Variants in SLC38A10 observed in about 807,000 individuals in gnomAD.
SLC38A10 encodes solute carrier family 38 member 10, also known as Sodium-coupled neutral amino acid transporter 10.
In SLC38A10, 53 loss-of-function variants were observed where a neutral mutation model predicts 81.0. The observed-to-expected ratio is 0.65, with a 90% CI of 0.53 to 0.82. SLC38A10 has a LOEUF of 0.82. Ranked by LOEUF, SLC38A10 falls within the 40% of genes least tolerant of loss-of-function variation. The probability of loss-of-function intolerance (pLI) is 0.00; values close to 1 mark genes in which losing one functional copy is unlikely to be tolerated. For synonymous variants in SLC38A10, 665 were observed against 655.3 expected (o/e 1.01, Z -0.23); for missense variants, 1,471 against 1,545.0 (o/e 0.95, Z 0.80).
chr17:81,279,095 CCT>C (rs1313160676), intron 6 of SLC38A10, among the ~76,000 whole-genome samples: 1 of 152,222 alleles, frequency 6.6e-6, no homozygotes, highest in Non-Finnish European at 1.5e-5. Flanking sequence ...AGCCTCAGGG[CCT>C]ACCAGAGTCA....
chr17:81,250,334 A>T (rs2146883219), intron 14 of SLC38A10, among the ~76,000 whole-genome samples: 1 of 152,374 alleles, frequency 6.6e-6, no homozygotes, highest in South Asian at 2.1e-4. Context: ...TCCGCGCTGC[A>T]GGTGCAAGGA....
intron 11 of SLC38A10, among the ~76,000 whole-genome samples, chr17:81,259,659 C>T (rs1222353628): frequency 6.6e-6 from 1 of 152,138 alleles, no homozygotes; most frequent in African/African-American, 2.4e-5. Flanking sequence ...CGGGCTGTGC[C>T]ACAGACGGAG....
intron 15 of SLC38A10, 98 bp downstream of exon 15, chr17:81,246,787 C>T: frequency 6.7e-7 from 1 of 1,495,974 alleles, no homozygotes; most frequent in Non-Finnish European, 8.9e-7. Flanking sequence ...GACTCACGCT[C>T]AGGTCTAGAG....
chr17:81,291,132 G>A (rs886593967), intron 1 of SLC38A10, among the ~76,000 whole-genome samples: 2 of 152,120 alleles, frequency 1.3e-5, no homozygotes, highest in African/African-American at 4.8e-5. Flanking sequence ...ACGGTGAGGG[G>A]GGCGGGGGCG....
chr17:81,262,283 G>C (rs779124877), intron 10 of SLC38A10, among the ~76,000 whole-genome samples: 1 of 152,110 alleles, frequency 6.6e-6, no homozygotes, highest in South Asian at 2.1e-4. Context: ...CCCTCCCATC[G>C]AGGCCTCTGC....
intron 11 of SLC38A10, among the ~76,000 whole-genome samples, chr17:81,255,633 G>A (rs1163774751): frequency 6.6e-6 from 1 of 152,192 alleles, no homozygotes; most frequent in African/African-American, 2.4e-5. Context: ...ATGGCTCCAC[G>A]CACGCCCCCA....
rs901362898 is a variant in SLC38A10 at position 81,283,176 on chromosome 17, C to T, written c.357+233G>A. Among the ~76,000 whole-genome samples, 4 of 152,276 alleles carry T rather than the reference C, an allele frequency of 2.6e-5. No homozygotes were observed. The highest frequency in any genetic ancestry group is 1.9e-4 in the East Asian group (1 of 5,162). On this transcript the variant is annotated intron_variant, in intron 4 of 15. Transcript: ENST00000374759. The surrounding 1 kb of genome is among the most constrained non-coding windows in gnomAD (Gnocchi z 4.7). The stretch of plus-strand genomic sequence containing the variant: ...TGCCCGGGTCTGAGGCTCCCCCACC[C>T]GCCCCTCATCTACATGGTGTCAGAC...
At position 81,260,772 on chromosome 17, in the gene SLC38A10, C is replaced by T. The variant is rs530527181; in HGVS notation, c.1132-378G>A. The stretch of plus-strand genomic sequence containing the variant: ...ATTCAGGACGGAGCGGGAGGGACAG[C>T]GGCTTCCAGAAGCTGAAGGTACGTG... On this transcript the variant is annotated intron_variant, in intron 10 of 15. Transcript: ENST00000374759. Among the ~76,000 whole-genome samples, 5 of 152,326 alleles carry T rather than the reference C, an allele frequency of 3.3e-5. No individual in the cohort carries two copies. The South Asian group carries it at 8.3e-4, about 25-fold the overall frequency.
chr17:81,267,142 AG>A (rs1327400028), intron 10 of SLC38A10, among the ~76,000 whole-genome samples: 1 of 152,244 alleles, frequency 6.6e-6, no homozygotes, highest in Non-Finnish European at 1.5e-5. Context: ...GTCCCAAGTT[AG>A]GCCCGAATAC....
At position 81,277,281 on chromosome 17, in the gene SLC38A10, A is replaced by C. The variant is rs1199189995; in HGVS notation, c.627-148T>G. The C allele has an allele frequency of 1.4e-6, 1 of 713,400 alleles. No homozygotes were observed. The highest frequency in any genetic ancestry group is 1.8e-5 in the African/African-American group (1 of 56,886). 44.2% of individuals were successfully genotyped at this position (713,400 alleles called of 1,614,324 possible). ...CTGCACACTGGAAGTCCCAGCGCTG[A>C]GGCCAGGACTTGGTGTTGCTGAGGA... On this transcript the variant is annotated intron_variant, in intron 6 of 15. Coordinates refer to ENST00000374759, the MANE Select transcript of SLC38A10 (RefSeq NM_001037984.3). This position sits in a 1 kb window ranked among gnomAD's most constrained non-coding sequence, Gnocchi z 4.5.
chr17:81,256,281 C>T (rs901951458), intron 11 of SLC38A10, among the ~76,000 whole-genome samples: 4 of 152,190 alleles, frequency 2.6e-5, no homozygotes, highest in Non-Finnish European at 4.4e-5. Context: ...CAGACATGCT[C>T]GGGGACTTGG....
chr17:81,271,928 C>T (rs1651705050), intron 9 of SLC38A10, among the ~76,000 whole-genome samples: 3 of 151,934 alleles, frequency 2.0e-5, no homozygotes, highest in East Asian at 1.9e-4. Flanking sequence ...GGGGTTTCAC[C>T]GTGTTAGCCA....
intron 10 of SLC38A10, among the ~76,000 whole-genome samples, chr17:81,267,833 C>CAG (rs1281276075): frequency 6.6e-6 from 1 of 151,938 alleles, no homozygotes; most frequent in Admixed American, 6.6e-5. Context: ...CCCTTAGTCA[C>CAG]AGAGAGGTCA....
chr17:81,247,081 A>G lies in SLC38A10; in HGVS notation c.2066-20T>C, dbSNP rs757885310. ...CAGCTTCTGGGTTTGGAAAGCACACAGTCAGAGTGCCCGGGCTGCTCATGC... is the reference window on the plus strand; with the variant it reads ...CAGCTTCTGGGTTTGGAAAGCACACGGTCAGAGTGCCCGGGCTGCTCATGC... On this transcript the variant is annotated intron_variant, in intron 14 of 15. Transcript: ENST00000374759. The G allele has an allele frequency of 2.6e-5, 40 of 1,565,686 alleles. No homozygotes were observed. Among genetic ancestry groups the G allele is most frequent in the Non-Finnish European group, 3.1e-5 (36 of 1,157,948 alleles).
chr17:81,269,905 A>G (rs1241185431), intron 10 of SLC38A10, among the ~76,000 whole-genome samples: 1 of 152,170 alleles, frequency 6.6e-6, no homozygotes, highest in African/African-American at 2.4e-5. Flanking sequence ...CGGAGGTTGC[A>G]GTAAGCCGAG....
intron 10 of SLC38A10, among the ~76,000 whole-genome samples, chr17:81,261,756 G>A (rs1307240804): frequency 2.0e-5 from 3 of 152,342 alleles, no homozygotes; most frequent in Middle Eastern, 3.4e-3. Context: ...GAGCCCGGCC[G>A]CAATGTGCCT....
chr17:81,288,881 G>C lies in SLC38A10; in HGVS notation c.217+810C>G, dbSNP rs2063288756. 1 of 152,324 alleles carries C rather than the reference G, an allele frequency of 6.6e-6. No homozygotes were observed. Among genetic ancestry groups the C allele is most frequent in the Admixed American group, 6.5e-5 (1 of 15,286 alleles). 9.4% of individuals were successfully genotyped at this position (152,324 alleles called of 1,614,324 possible). ...TCCAGGAGAGACACAGAGAGAGCAG[G>C]TCTGCACCAGCACGGTGAGGACGGC... On this transcript the variant is annotated intron_variant, in intron 2 of 15. Transcript: ENST00000374759. This position sits in a 1 kb window ranked among gnomAD's most constrained non-coding sequence, Gnocchi z 5.4.
chr17:81,278,006 A>C (rs1397356352), intron 6 of SLC38A10, among the ~76,000 whole-genome samples: 2 of 149,400 alleles, frequency 1.3e-5, no homozygotes, highest in African/African-American at 4.9e-5. Context: ...GCAGGGGCTC[A>C]AGGGCACAAA....
rs773365742 is a variant in SLC38A10, at chr17:81,283,422, A to C, written c.344T>G (p.Leu115Arg). The change falls in exon 4 of 16, where the codon CTG becomes CGG. Residue 115 changes from leucine (L) to arginine (R), a missense_variant. By Grantham distance (102) the Leu-to-Arg change is moderately radical. Coordinates refer to ENST00000374759, the MANE Select transcript of SLC38A10 (RefSeq NM_001037984.3). The surrounding 1 kb of genome is among the most constrained non-coding windows in gnomAD (Gnocchi z 4.7). ...ACACATCCTTACCTGAAACCCGAAC[A>C]GCCGGGCAAAGAAGTTGGACCCCAA... Reference protein sequence around the residue: ...GDLGSNFFARLFGFQVGGTFR... With the variant: ...GDLGSNFFARRFGFQVGGTFR... 7.4e-6 allele frequency: 12 copies of C among 1,611,788 alleles called. No individual in the cohort carries two copies. The highest frequency in any genetic ancestry group is 1.6e-4 in the Middle Eastern group (1 of 6,080).
Sources: gnomAD v4.1 joint callset for allele counts (sites outside exome capture counted in the v4.1 genomes callset) on GRCh38, gnomAD v4.1.1 for gene constraint, Gnocchi (gnomAD v3.1) non-coding constraint, MANE v1.5 for transcripts, NCBI Gene and HGNC (gene_info 2026-07-23, HGNC 2026-07-21) for gene names.